Variants in KDM4C observed in about 807,000 individuals in gnomAD.
KDM4C encodes lysine-specific demethylase 4C.
Under a neutral mutation model 129.3 loss-of-function variants are expected in KDM4C, and 81 were observed. That is an observed-to-expected ratio of 0.63 (90% CI 0.52 to 0.75). The LOEUF (loss-of-function observed/expected upper bound fraction) is 0.75. Among genes scored for constraint, KDM4C ranks in the 30% least tolerant of loss-of-function variants. KDM4C has a pLI of 0.00. For synonymous variants in KDM4C, 573 were observed against 456.1 expected (o/e 1.26, Z -3.26); for missense variants, 1,457 against 1,304.0 (o/e 1.12, Z -1.81).
Position 6,972,903 on chromosome 9 carries a change from T to C in KDM4C, c.922-8022T>C, listed in dbSNP as rs548786948. Reference sequence around the variant, plus strand: ...CACTGAAATCCATTGTGTGTTTTTCTATCTTCTGTTTGCTTTTTTTCTGAT... The same window carrying C: ...CACTGAAATCCATTGTGTGTTTTTCCATCTTCTGTTTGCTTTTTTTCTGAT... On this transcript the variant is annotated intron_variant, in intron 8 of 21. Coordinates refer to ENST00000381309, the MANE Select transcript of KDM4C (RefSeq NM_015061.6). Among the ~76,000 whole-genome samples, 19 of 152,356 alleles carry C rather than the reference T, an allele frequency of 1.2e-4. No homozygotes were observed. The South Asian group carries it at 3.9e-3, about 32-fold the overall frequency.
intron 1 of KDM4C, among the ~76,000 whole-genome samples, chr9:6,773,342 A>G (rs1312242654): frequency 6.6e-6 from 1 of 152,224 alleles, no homozygotes; most frequent in Non-Finnish European, 1.5e-5. Flanking sequence ...AAACGAAAGC[A>G]GATACTTTAG....
intron 19 of KDM4C, among the ~76,000 whole-genome samples, chr9:7,143,406 A>G (rs1841944021): frequency 6.6e-6 from 1 of 152,248 alleles, no homozygotes; most frequent in Non-Finnish European, 1.5e-5. Context: ...TCTGGTGTGA[A>G]AAGAATAGAA....
chr9:6,859,782 G>A (rs943715550), intron 5 of KDM4C, among the ~76,000 whole-genome samples: 8 of 150,206 alleles, frequency 5.3e-5, no homozygotes, highest in East Asian at 4.0e-4. Flanking sequence ...AGAGAATGGC[G>A]TGAACCTGAG....
intron 15 of KDM4C, among the ~76,000 whole-genome samples, chr9:7,026,197 G>A (rs200660936): frequency 2.7e-5 from 4 of 148,898 alleles, no homozygotes; most frequent in Admixed American, 6.7e-5. Flanking sequence ...AGAGCGAGAC[G>A]CCATCTCAAG....
rs576866616 is a variant in KDM4C at position 6,796,769 on chromosome 9, G to A, written c.144+3637G>A. Among the ~76,000 whole-genome samples the A allele has an allele frequency of 2.7e-4, 41 of 152,188 alleles. 1 individual carries two copies. In the South Asian group the frequency reaches 6.0e-3, roughly 22 times the overall value. On this transcript the variant is annotated intron_variant, in intron 2 of 21. Transcript: ENST00000381309. Reference sequence around the variant, plus strand: ...TATTACTCATTATTAGGAATACAACGAACTGTTTCAAATCATTTTTGCCAT... The same window carrying A: ...TATTACTCATTATTAGGAATACAACAAACTGTTTCAAATCATTTTTGCCAT...
intron 6 of KDM4C, among the ~76,000 whole-genome samples, chr9:6,883,871 C>A (rs1028632611): frequency 3.3e-5 from 5 of 151,854 alleles, no homozygotes; most frequent in Non-Finnish European, 7.4e-5. Flanking sequence ...ATGGATATTT[C>A]AAGGGGGTGG....
chr9:6,750,555 G>A (rs1326387183), intron 1 of KDM4C, among the ~76,000 whole-genome samples: 3 of 152,108 alleles, frequency 2.0e-5, no homozygotes, highest in Non-Finnish European at 4.4e-5. Flanking sequence ...ACAACTGAAA[G>A]CACATCATAG....
intron 18 of KDM4C, among the ~76,000 whole-genome samples, chr9:7,121,386 A>C (rs1034201079): frequency 2.0e-5 from 3 of 152,192 alleles, no homozygotes; most frequent in Non-Finnish European, 2.9e-5. Context: ...TTAGAGAGAA[A>C]GCAGAAGTGT....
At chr9:6,817,150 T>A in intron 4 of KDM4C, among the ~76,000 whole-genome samples, 1 of 147,770 alleles carries the variant, frequency 6.8e-6, no homozygotes, top group Non-Finnish European at 1.5e-5. Flanking sequence ...CTTAAGAAAA[T>A]AAAGTTGAAT....
At chr9:6,864,954 A>T (rs1010517270) in intron 5 of KDM4C, among the ~76,000 whole-genome samples, 2 of 148,490 alleles carry the variant, frequency 1.3e-5, no homozygotes, top group African/African-American at 4.9e-5. Flanking sequence ...CTTAGTCCCA[A>T]GATTTCTGTT....
intron 17 of KDM4C, among the ~76,000 whole-genome samples, chr9:7,057,918 G>A (rs1353746009): frequency 1.3e-5 from 2 of 152,218 alleles, no homozygotes; most frequent in Admixed American, 6.5e-5. Flanking sequence ...GACATCGCAT[G>A]TTGAAAAGCG....
At chr9:6,862,664 A>G (rs1841151294) in intron 5 of KDM4C, among the ~76,000 whole-genome samples, 1 of 152,100 alleles carries the variant, frequency 6.6e-6, no homozygotes, top group African/African-American at 2.4e-5. Context: ...CACATTAGCC[A>G]GGTGTGGAGG....
intron 15 of KDM4C, among the ~76,000 whole-genome samples, chr9:7,045,400 C>T (rs1462312302): frequency 6.6e-6 from 1 of 151,964 alleles, no homozygotes; most frequent in East Asian, 1.9e-4. Context: ...GTTTTGTTTC[C>T]TTTTTCATTC....
chr9:7,046,946 T>C (rs1362640148), intron 16 of KDM4C, 29 bp downstream of exon 16: 4 of 1,443,408 alleles, frequency 2.8e-6, no homozygotes, highest in Non-Finnish European at 3.9e-6. Context: ...GTGTTGAATT[T>C]CATTATTTTT....
intron 12 of KDM4C, among the ~76,000 whole-genome samples, chr9:7,008,704 CT>C (rs1422108344): frequency 2.6e-5 from 4 of 152,192 alleles, no homozygotes; most frequent in Non-Finnish European, 5.9e-5. Flanking sequence ...CCTGGCCTAA[CT>C]CAGTAGACCC....
At chr9:6,957,832 C>G (rs925515120) in intron 8 of KDM4C, among the ~76,000 whole-genome samples, 1 of 152,170 alleles carries the variant, frequency 6.6e-6, no homozygotes, top group Non-Finnish European at 1.5e-5. Flanking sequence ...AACCCTTGTG[C>G]AAACTGCCTA....
At chr9:7,053,942 T>A (rs1830542171) in intron 17 of KDM4C, among the ~76,000 whole-genome samples, 1 of 152,256 alleles carries the variant, frequency 6.6e-6, no homozygotes, top group Non-Finnish European at 1.5e-5. Flanking sequence ...AGAACCAGTT[T>A]CCCTGTCAGC....
In KDM4C at chr9:6,729,605, C is replaced by A. The variant is rs574505649; in HGVS notation, c.49+8608C>A. ...TTGCTGTATGTCTTGCCTATTGGAG[C>A]CTCTGGAAAAAAGGAAATAACATTA... On this transcript the variant is annotated intron_variant, in intron 1 of 17. Coordinates refer to the KDM4C transcript ENST00000536108. 8.1e-4 allele frequency among the ~76,000 whole-genome samples: 109 copies of A among 133,882 alleles called. 36 individuals carry two copies. The highest frequency in any genetic ancestry group is 3.4e-3 in the African/African-American group (108 of 31,614). 87.8% of individuals were successfully genotyped at this position (133,882 alleles called of 152,430 possible).
At chr9:6,939,345 C>G (rs1244882607) in intron 8 of KDM4C, among the ~76,000 whole-genome samples, 3 of 152,078 alleles carry the variant, frequency 2.0e-5, no homozygotes, top group Non-Finnish European at 4.4e-5. Context: ...CTCCCATCCC[C>G]CCGTGAGGGC....
Sources: allele counts gnomAD v4.1 joint callset (sites outside exome capture counted in the v4.1 genomes callset), GRCh38; gene constraint gnomAD v4.1.1; transcripts MANE v1.5; gene names NCBI Gene and HGNC (gene_info 2026-07-23, HGNC 2026-07-21).